Variants in MARCHF4 observed in about 807,000 individuals in gnomAD.
The protein encoded by MARCHF4 is membrane associated ring-CH-type finger 4.
In MARCHF4, 14 loss-of-function variants were observed where a neutral mutation model predicts 43.9. The observed-to-expected ratio is 0.32, with a 90% CI of 0.21 to 0.50. The LOEUF (loss-of-function observed/expected upper bound fraction) is 0.50, where lower values mean the gene tolerates loss of function less well. Among genes scored for constraint, MARCHF4 ranks in the 20% least tolerant of loss-of-function variants. MARCHF4 has a pLI of 0.98. For synonymous variants in MARCHF4, 226 were observed against 213.3 expected (o/e 1.06, Z -0.52); for missense variants, 468 against 536.7 (o/e 0.87, Z 1.27).
chr2:216,326,905 T>G (rs1242651231), intron 1 of MARCHF4, among the ~76,000 whole-genome samples: 2 of 152,052 alleles, frequency 1.3e-5, no homozygotes, highest in Non-Finnish European at 2.9e-5. Flanking sequence ...GACACATGTA[T>G]ACATACGTAA....
chr2:216,365,789 G>A (rs1157226223), intron 1 of MARCHF4, among the ~76,000 whole-genome samples: 1 of 152,170 alleles, frequency 6.6e-6, no homozygotes, highest in Non-Finnish European at 1.5e-5. Context: ...CTCACTGTCT[G>A]TGTGTTCTTG....
In MARCHF4 at chr2:216,304,989, G is replaced by A. The variant is rs1055334495; in HGVS notation, c.517-21260C>T. Among the ~76,000 whole-genome samples, 7 of 152,220 alleles carry A rather than the reference G, an allele frequency of 4.6e-5. No individual in the cohort carries two copies. The East Asian group carries it at 1.2e-3, about 25-fold the overall frequency. ...GAAAACATTCATAGACTGCATGGAA[G>A]TCATTCAATTCAGCATGCAAGCATC... On this transcript the variant is annotated intron_variant, in intron 1 of 3. Coordinates refer to ENST00000273067, the MANE Select transcript of MARCHF4 (RefSeq NM_020814.3).
chr2:216,353,241 G>A (rs1692427709), intron 1 of MARCHF4, among the ~76,000 whole-genome samples: 1 of 152,168 alleles, frequency 6.6e-6, no homozygotes, highest in African/African-American at 2.4e-5. Flanking sequence ...AAAACTTACA[G>A]GGGTTAGCCC....
intron 1 of MARCHF4, among the ~76,000 whole-genome samples, chr2:216,320,613 TTC>T (rs1391183140): frequency 2.5e-5 from 1 of 39,488 alleles, no homozygotes; most frequent in Non-Finnish European, 4.9e-5. Context: ...CTCTTTTTCT[TTC>T]TTTCTTTCTT....
At chr2:216,327,325 A>T (rs925597212) in intron 1 of MARCHF4, among the ~76,000 whole-genome samples, 33 of 152,148 alleles carry the variant, frequency 2.2e-4, no homozygotes, top group Admixed American at 1.0e-3. Flanking sequence ...TACAATATAT[A>T]ATCTATCCAT....
intron 1 of MARCHF4, among the ~76,000 whole-genome samples, chr2:216,337,810 A>C (rs1692180493): frequency 6.6e-6 from 1 of 152,180 alleles, no homozygotes; most frequent in Non-Finnish European, 1.5e-5. Flanking sequence ...ACTGTTTTTT[A>C]ACACTTACAT....
chr2:216,281,544 A>C (rs1300546785), intron 2 of MARCHF4, among the ~76,000 whole-genome samples: 3 of 152,218 alleles, frequency 2.0e-5, no homozygotes, highest in Admixed American at 2.0e-4. Flanking sequence ...GGGCTGGGGC[A>C]TAGTAGCCCA....
intron 1 of MARCHF4, among the ~76,000 whole-genome samples, chr2:216,344,876 G>C (rs74605315): frequency 0.052 from 7,838 of 151,902 alleles, 311 homozygotes; most frequent in South Asian, 0.21. Context: ...CTGGGACAAA[G>C]AGCACTCTGG....
intron 1 of MARCHF4, among the ~76,000 whole-genome samples, chr2:216,320,623 C>A (rs527803845): frequency 1.2e-5 from 1 of 82,888 alleles, no homozygotes; most frequent in East Asian, 3.3e-4. Context: ...TTCTTTCTTT[C>A]TTTCTTTCTT....
At position 216,299,936 on chromosome 2, in the gene MARCHF4, G is replaced by A. The variant is rs138471460; in HGVS notation, c.517-16207C>T. On this transcript the variant is annotated intron_variant, in intron 1 of 3. Transcript: ENST00000273067. ...AGTTCCCACTAGCAGGAGAGGGCAA[G>A]CACTTTTCAATGCACAAGCACCTTT... Among the ~76,000 whole-genome samples the A allele has an allele frequency of 3.9e-5, 6 of 152,270 alleles. No homozygotes were observed. In the East Asian group the frequency reaches 7.7e-4, roughly 20 times the overall value.
intron 1 of MARCHF4, among the ~76,000 whole-genome samples, chr2:216,340,868 G>A (rs1176446157): frequency 6.6e-6 from 1 of 152,194 alleles, no homozygotes; most frequent in East Asian, 1.9e-4. Flanking sequence ...TCTACTCAGT[G>A]ATATGAAAAC....
In MARCHF4 at chr2:216,259,415, C is replaced by G. The variant is rs776018211; in HGVS notation, c.1130G>C (p.Cys377Ser). The G allele has an allele frequency of 1.2e-6, 2 of 1,613,868 alleles. No individual in the cohort carries two copies. Among genetic ancestry groups the G allele is most frequent in the South Asian group, 2.2e-5 (2 of 91,038 alleles). The change falls in exon 4 of 4, where the codon TGT becomes TCT. Residue 377 changes from cysteine to serine, a missense_variant. Transcript: ENST00000273067. Reference sequence around the variant, plus strand: ...CAGGATGTGCAGGATGGTATAAGCACAGTGGTGATGGGACAGAGGGCCTGA... The same window carrying G: ...CAGGATGTGCAGGATGGTATAAGCAGAGTGGTGATGGGACAGAGGGCCTGA... ...HPSGPLSHHH[C>S]AYTILHILSH... is the part of the protein sequence containing the mutation.
At chr2:216,365,088 T>C (rs1471049465) in intron 1 of MARCHF4, among the ~76,000 whole-genome samples, 1 of 152,158 alleles carries the variant, frequency 6.6e-6, no homozygotes, top group Non-Finnish European at 1.5e-5. Flanking sequence ...AATCAAACCA[T>C]AGCACTAAGA....
chr2:216,265,651 T>C (rs886324709), intron 3 of MARCHF4: 9 of 151,954 alleles, frequency 5.9e-5, no homozygotes, highest in African/African-American at 1.7e-4. Context: ...CACACCACCA[T>C]GCCTGGCTAA....
rs1382605770 is a variant in MARCHF4 at position 216,370,266 on chromosome 2, C to T, written c.-6G>A. On this transcript the variant is annotated 5_prime_UTR_variant, in exon 1 of 4. Transcript: ENST00000273067. ...CCACACAGGGGCATCAGCATGTGCCCCGTGGAAGTAGAGAGCCCAAGAGGG... is the reference window on the plus strand; with the variant it reads ...CCACACAGGGGCATCAGCATGTGCCTCGTGGAAGTAGAGAGCCCAAGAGGG... 3 of 1,591,192 alleles carry T rather than the reference C, an allele frequency of 1.9e-6. No individual in the cohort carries two copies. The highest frequency in any genetic ancestry group is 2.6e-6 in the Non-Finnish European group (3 of 1,166,484).
At chr2:216,265,776 A>AT (rs1405622233) in intron 3 of MARCHF4, 10 of 152,262 alleles carry the variant, frequency 6.6e-5, no homozygotes, top group African/African-American at 2.4e-4. Flanking sequence ...ACAGGCATGA[A>AT]CCACTGAGCC....
At chr2:216,277,641 A>G (rs1339950063) in intron 3 of MARCHF4, 31 bp downstream of exon 3, 2 of 1,562,808 alleles carry the variant, frequency 1.3e-6, no homozygotes, top group South Asian at 2.4e-5. Context: ...ATGGTTCCCC[A>G]CTTCCCATGG....
intron 1 of MARCHF4, among the ~76,000 whole-genome samples, chr2:216,360,861 A>G (rs543177318): frequency 6.6e-6 from 1 of 152,002 alleles, no homozygotes; most frequent in East Asian, 1.9e-4. Context: ...GAGTCTTACT[A>G]TGTTGCCCAG....
chr2:216,299,863 CTT>C (rs1410292666), intron 1 of MARCHF4, among the ~76,000 whole-genome samples: 3 of 152,230 alleles, frequency 2.0e-5, no homozygotes, highest in African/African-American at 7.2e-5. Flanking sequence ...CCTCATGTCT[CTT>C]ATCATCCAGT....
Sources: allele counts gnomAD v4.1 joint callset (sites outside exome capture counted in the v4.1 genomes callset), GRCh38; gene constraint gnomAD v4.1.1; transcripts MANE v1.5; gene names NCBI Gene and HGNC (gene_info 2026-07-23, HGNC 2026-07-21).